ANK3: variants seen among roughly 807,000 people sequenced by gnomAD.
ANK3 encodes the protein ankyrin-3.
In ANK3, 57 loss-of-function variants were observed where a neutral mutation model predicts 370.9. The ratio of observed to expected loss-of-function variants is 0.15; its 90% CI spans 0.12 to 0.19. The LOEUF is 0.19. Ranked by LOEUF, ANK3 falls within the 10% of genes least tolerant of loss-of-function variation. ANK3 has a pLI of 1.00. For missense variants in ANK3, 4,439 were observed against 5,302.1 expected (o/e 0.84, Z 5.06); for synonymous variants, 1,929 against 1,946.3 (o/e 0.99, Z 0.23).
At chr10:60,548,887 C>A (rs1228847433) in intron 2 of ANK3, among the ~76,000 whole-genome samples, 6 of 152,056 alleles carry the variant, frequency 3.9e-5, no homozygotes, top group Non-Finnish European at 7.4e-5. Context: ...GAGTTCAGGG[C>A]TTTCTATAAT....
At chr10:60,149,142 C>T (rs975722710) in intron 23 of ANK3, among the ~76,000 whole-genome samples, 3 of 152,148 alleles carry the variant, frequency 2.0e-5, no homozygotes, top group Non-Finnish European at 4.4e-5. Context: ...CAACCTATAC[C>T]CCAGAGATGT....
At chr10:60,287,169 A>G (rs1001194711) in intron 1 of ANK3, among the ~76,000 whole-genome samples, 50 of 152,274 alleles carry the variant, frequency 3.3e-4, no homozygotes, top group Middle Eastern at 3.4e-3. Flanking sequence ...GTACTCATAC[A>G]ACCAAGTAAA....
intron 17 of ANK3, among the ~76,000 whole-genome samples, chr10:60,181,895 G>C (rs995817346): frequency 6.6e-6 from 1 of 152,098 alleles, no homozygotes; most frequent in African/African-American, 2.4e-5. Context: ...AGGCATACTC[G>C]AAAGTGTAAG....
At chr10:60,326,942 C>T (rs1401491367) in intron 1 of ANK3, among the ~76,000 whole-genome samples, 1 of 151,100 alleles carries the variant, frequency 6.6e-6, no homozygotes, top group Non-Finnish European at 1.5e-5. Context: ...ATGGCTTGAA[C>T]CCAGGAGGCG....
chr10:60,514,437 A>T (rs1186106103), intron 2 of ANK3, among the ~76,000 whole-genome samples: 1 of 152,082 alleles, frequency 6.6e-6, no homozygotes, highest in Non-Finnish European at 1.5e-5. Context: ...CTTAGAGTTC[A>T]CCTGGTTGAT....
rs149618682 is a variant in ANK3, at chr10:60,279,068, A to C, written c.297T>G (p.Asn99Lys). 1.2e-6 allele frequency: 2 copies of C among 1,613,968 alleles called. No individual in the cohort carries two copies. Among genetic ancestry groups the C allele is most frequent in the Non-Finnish European group, 1.7e-6 (2 of 1,179,930 alleles). The change falls in exon 3 of 44, where the codon AAT becomes AAG. Residue 99 changes from asparagine (N) to lysine (K), a missense_variant. Asn to Lys is a moderately conservative substitution (Grantham distance 94). This residue lies in a region of ANK3 where 136 missense variants were observed against 230.5 expected (regional missense o/e 0.59). Transcript: ENST00000280772. ...VVSELLQREANVDAATKKGNT... is the reference protein window; with the variant it reads ...VVSELLQREAKVDAATKKGNT... ...TACTGACCTTTGTAGCTGCATCCAC[A>C]TTGGCTTCTCTCTGCAGCAGCTCAG... is the stretch of plus-strand genomic sequence containing the variant.
At chr10:60,196,823 A>C (rs1360302587) in intron 14 of ANK3, among the ~76,000 whole-genome samples, 198 bp from the exon 15 acceptor site, 1 of 152,160 alleles carries the variant, frequency 6.6e-6, no homozygotes, top group Non-Finnish European at 1.5e-5. Context: ...AGAGTTCAAG[A>C]GCCTTCTTAT....
intron 1 of ANK3, among the ~76,000 whole-genome samples, chr10:60,300,011 A>T (rs1465005707): frequency 6.6e-6 from 1 of 152,202 alleles, no homozygotes; most frequent in African/African-American, 2.4e-5. Context: ...TGGATTTACC[A>T]GGCTTTTCCT....
At chr10:60,666,686 T>C (rs1588995987) in intron 1 of ANK3, among the ~76,000 whole-genome samples, 2 of 152,192 alleles carry the variant, frequency 1.3e-5, no homozygotes, top group African/African-American at 4.8e-5. Flanking sequence ...AAAATTATAT[T>C]GTAAAAAATA....
At chr10:60,569,442 C>T (rs1246648369) in intron 2 of ANK3, among the ~76,000 whole-genome samples, 1 of 152,008 alleles carries the variant, frequency 6.6e-6, no homozygotes, top group Non-Finnish European at 1.5e-5. Context: ...ACAAGAGCAC[C>T]CAGGTCTCTT....
intron 1 of ANK3, among the ~76,000 whole-genome samples, chr10:60,349,623 C>T (rs1308494461): frequency 3.3e-5 from 5 of 152,162 alleles, no homozygotes; most frequent in African/African-American, 1.2e-4. Flanking sequence ...TCTTTGGCTA[C>T]GAATAACTCT....
At chr10:60,733,459 C>T (rs2080057438) in exon 1 of ANK3, 8 of 736,862 alleles carry the variant, frequency 1.1e-5, no homozygotes, top group Middle Eastern at 4.4e-4. Flanking sequence ...CCCGCGACGC[C>T]CGCCCAGCGC....
intron 43 of ANK3, 43 bp from the exon 44 acceptor site, chr10:60,029,869 CTTTT>C (rs1564489978): frequency 1.8e-4 from 7 of 39,390 alleles, no homozygotes; most frequent in Admixed American, 8.8e-4. Flanking sequence ...CTTTCTTTTT[CTTTT>C]TCTTTTTTTT....
chr10:60,257,273 C>G (rs1218375522), intron 7 of ANK3, among the ~76,000 whole-genome samples: 1 of 152,004 alleles, frequency 6.6e-6, no homozygotes, highest in Non-Finnish European at 1.5e-5. Context: ...GTATAAAATA[C>G]CCAATATTTG....
chr10:60,255,525 T>C (rs2097721763), intron 7 of ANK3, among the ~76,000 whole-genome samples: 1 of 152,092 alleles, frequency 6.6e-6, no homozygotes, highest in African/African-American at 2.4e-5. Context: ...AAATGGACAA[T>C]AGCAGATAAA....
intron 2 of ANK3, among the ~76,000 whole-genome samples, chr10:60,514,991 TACTATTGCCAAAATTTACATAC>T (rs1321760625): frequency 6.6e-6 from 1 of 152,116 alleles, no homozygotes; most frequent in Non-Finnish European, 1.5e-5. Flanking sequence ...TTAAAAAATA[TACTATTGCCAAAATTTACATAC>T]ACTATTGCCA....
In ANK3 at chr10:60,069,340, A is replaced by G. The variant is rs1238800910; in HGVS notation, c.11541T>C (p.Leu3847=). 1 of 1,613,918 alleles carries G rather than the reference A, an allele frequency of 6.2e-7. No homozygotes were observed. The highest frequency in any genetic ancestry group is 1.3e-5 in the African/African-American group (1 of 74,856). Residue 3847 remains leucine (L), a synonymous_variant, in exon 37 of 44, where the codon CTT becomes CTC. Coordinates refer to ENST00000280772, the MANE Select transcript of ANK3 (RefSeq NM_020987.5). ...ATTCCTTTGTTTTTTGCTGTTCTCC[A>G]AGAACTTTCTGCTTATCTCTTACAC... The part of the protein sequence containing the change: ...GHCVRDKQKV[L]GEQQKTKELI...
At chr10:60,621,590 G>A (rs1271962055) in intron 1 of ANK3, among the ~76,000 whole-genome samples, 3 of 152,130 alleles carry the variant, frequency 2.0e-5, no homozygotes, top group African/African-American at 7.2e-5. Flanking sequence ...CCAATTTGTT[G>A]AGAAAAGTCA....
intron 1 of ANK3, among the ~76,000 whole-genome samples, chr10:60,652,098 T>G (rs1399996541): frequency 6.6e-6 from 1 of 152,186 alleles, no homozygotes; most frequent in African/African-American, 2.4e-5. Context: ...GGCTCATGCC[T>G]GTAATCCTAG....
Sources: allele counts gnomAD v4.1 joint callset (sites outside exome capture counted in the v4.1 genomes callset), GRCh38; gene constraint gnomAD v4.1.1; regional missense constraint gnomAD v4.1.1; transcripts MANE v1.5; gene names NCBI Gene and HGNC (gene_info 2026-07-23, HGNC 2026-07-21).